The following PLEKHH1 variants were observed in gnomAD, a reference collection of about 807,000 sequenced individuals.
PLEKHH1 encodes the protein pleckstrin homology domain-containing family H member 1.
Under a neutral mutation model 160.0 loss-of-function variants are expected in PLEKHH1, and 104 were observed. That is an observed-to-expected ratio of 0.65 (90% CI 0.55 to 0.76). The LOEUF (loss-of-function observed/expected upper bound fraction) is 0.76. PLEKHH1 is among the 30% of genes least tolerant of loss of function. PLEKHH1 has a pLI of 0.00. For synonymous variants in PLEKHH1, 619 were observed against 678.4 expected (o/e 0.91, Z 1.36); for missense variants, 1,427 against 1,724.1 (o/e 0.83, Z 3.05).
intron 28 of PLEKHH1, chr14:67,586,861 A>G (rs1443737039): frequency 6.6e-7 from 1 of 1,510,604 alleles, no homozygotes. Flanking sequence ...GGCACTGTGC[A>G]TCTGAGAGGA....
chr14:67,535,587 G>A (rs1006279781), intron 1 of PLEKHH1, among the ~76,000 whole-genome samples: 2 of 151,792 alleles, frequency 1.3e-5, no homozygotes, highest in Non-Finnish European at 2.9e-5. Flanking sequence ...TCACCATGTT[G>A]GCCAGTCTGG....
intron 1 of PLEKHH1, among the ~76,000 whole-genome samples, chr14:67,538,063 T>G (rs912350763): frequency 6.6e-6 from 1 of 152,212 alleles, no homozygotes; most frequent in African/African-American, 2.4e-5. Context: ...GAGGGACTTA[T>G]TGTACTATTC....
At chr14:67,555,776 A>C in intron 2 of PLEKHH1, 49 bp from the exon 3 acceptor site, 2 of 1,605,796 alleles carry the variant, frequency 1.2e-6, no homozygotes, top group Non-Finnish European at 1.7e-6. Context: ...TGCCGTGTTC[A>C]CAGTAGGGAC....
intron 2 of PLEKHH1, among the ~76,000 whole-genome samples, chr14:67,544,369 G>A (rs1472633414): frequency 6.6e-6 from 1 of 152,102 alleles, no homozygotes; most frequent in African/African-American, 2.4e-5. Flanking sequence ...TGGGGAGCCT[G>A]GTAGGGACAG....
At chr14:67,577,239 G>A (rs2035660709) in intron 17 of PLEKHH1, 63 bp from the exon 18 acceptor site, 1 of 1,007,492 alleles carries the variant, frequency 9.9e-7, no homozygotes, top group African/African-American at 1.6e-5. Flanking sequence ...ATGGCGGTGA[G>A]TGGGAGATGA....
chr14:67,586,040 C>T lies in PLEKHH1; in HGVS notation c.3876C>T (p.Asp1292=). ...DFMLVIRSIP[D]KSSGKSHIEK... ...TGCTTGTGATTAGATCTATCCCAGA[C>T]AAGAGCTCTGGAAAAAGCCACATTG... Residue 1292 remains aspartate, a synonymous_variant, in exon 28 of 29, where the codon GAC becomes GAT. Transcript: ENST00000329153. 1 of 1,613,846 alleles carries T rather than the reference C, an allele frequency of 6.2e-7. No individual in the cohort carries two copies. Among genetic ancestry groups the T allele is most frequent in the Non-Finnish European group, 8.5e-7 (1 of 1,179,750 alleles).
intron 2 of PLEKHH1, among the ~76,000 whole-genome samples, chr14:67,553,094 T>C (rs11372537): frequency 0.2 from 29,700 of 152,180 alleles, 3,328 homozygotes; most frequent in East Asian, 0.28. Flanking sequence ...TCCACCTTGG[T>C]CTCCATTTGC....
chr14:67,578,713 C>A lies in PLEKHH1; in HGVS notation c.2849+82C>A. On this transcript the variant is annotated intron_variant, in intron 20 of 28. Coordinates refer to ENST00000329153, the MANE Select transcript of PLEKHH1 (RefSeq NM_020715.3). This position sits in a 1 kb window ranked among gnomAD's most constrained non-coding sequence, Gnocchi z 5.0. ...TAAGAGGGATGAGAGGAGTCTAGGG[C>A]AGACCAGATCACTCCTGTCCTCTGA... The A allele has an allele frequency of 1.1e-6, 1 of 881,220 alleles. No individual in the cohort carries two copies. Among genetic ancestry groups the A allele is most frequent in the Non-Finnish European group, 1.9e-6 (1 of 537,454 alleles). 54.6% of individuals were successfully genotyped at this position (881,220 alleles called of 1,614,324 possible).
Position 67,585,684 on chromosome 14 carries a change from C to T in PLEKHH1, c.3786+30C>T, listed in dbSNP as rs115074528. The T allele has an allele frequency of 9.7e-4, 1,371 of 1,407,294 alleles. 16 individuals carry two copies. The African/African-American group carries it at 0.018, about 18-fold the overall frequency. The allele number at this position is 1,407,294 out of a possible 1,614,324, so 87.2% of individuals were successfully genotyped here. On this transcript the variant is annotated intron_variant, in intron 27 of 28. Transcript: ENST00000329153. ...GAAAGGATGCAGGCTGCTCCCTGAC[C>T]CCTCCTCTTCCTCAACATGGTCTTT...
chr14:67,582,268 A>G lies in PLEKHH1; in HGVS notation c.3426+58A>G. 1.2e-6 allele frequency: 2 copies of G among 1,610,922 alleles called. No homozygotes were observed. The highest frequency in any genetic ancestry group is 1.7e-6 in the Non-Finnish European group (2 of 1,179,112). On this transcript the variant is annotated intron_variant, in intron 24 of 28. Coordinates refer to ENST00000329153, the MANE Select transcript of PLEKHH1 (RefSeq NM_020715.3). This position sits in a 1 kb window ranked among gnomAD's most constrained non-coding sequence, Gnocchi z 5.0. ...GTTGCCAGCTTAGAATGAATGCACC[A>G]TGCAGCCTGAAACACAGGAGAGATT... is the stretch of plus-strand genomic sequence containing the variant.
At position 67,562,369 on chromosome 14, in the gene PLEKHH1, T is replaced by C; in HGVS notation, c.738T>C (p.Ser246=). Reference sequence around the variant, plus strand: ...ATTCTAGTTCCAGCACGGTCCATTCTGGGGAAACAGTAGAGGCCAAGCCCC... The same window carrying C: ...ATTCTAGTTCCAGCACGGTCCATTCCGGGGAAACAGTAGAGGCCAAGCCCC... ...LEDSSSSTVH[S]GETVEAKPLQ... The change falls in exon 7 of 29, where the codon TCT becomes TCC. Residue 246 remains serine (S), a synonymous_variant. Coordinates refer to ENST00000329153, the MANE Select transcript of PLEKHH1 (RefSeq NM_020715.3). 6.2e-7 allele frequency: 1 copy of C among 1,613,670 alleles called. No individual in the cohort carries two copies. The highest frequency in any genetic ancestry group is 8.5e-7 in the Non-Finnish European group (1 of 1,179,630).
intron 2 of PLEKHH1, among the ~76,000 whole-genome samples, chr14:67,551,227 C>T (rs1478680746): frequency 6.6e-6 from 1 of 152,176 alleles, no homozygotes; most frequent in Non-Finnish European, 1.5e-5. Context: ...GCAGGACACT[C>T]TGGAGAGAAA....
chr14:67,563,003 TG>T, intron 7 of PLEKHH1, 109 bp downstream of exon 7: 1 of 1,142,210 alleles, frequency 8.8e-7, no homozygotes, highest in Non-Finnish European at 1.2e-6. Flanking sequence ...GGCATCCTCA[TG>T]GTGGCCCTGG....
At chr14:67,585,320 G>T (rs970560560) in intron 26 of PLEKHH1, 2 of 478,760 alleles carry the variant, frequency 4.2e-6, no homozygotes, top group Admixed American at 7.4e-5. Context: ...GACATCAAAA[G>T]AATGATCGCC....
Position 67,583,781 on chromosome 14 carries a change from C to CT in PLEKHH1, c.3468dup (p.Gly1157TrpfsTer25). The CT allele has an allele frequency of 6.2e-7, 1 of 1,612,588 alleles. No individual in the cohort carries two copies. ...TTGGAGAAGCCTGCCCTGCCAGGCC[C>CT]TGGAGGCACATCCCCTGCCAAGGCT... On this transcript the variant is annotated frameshift_variant, in exon 25 of 29. Coordinates refer to ENST00000329153, the MANE Select transcript of PLEKHH1 (RefSeq NM_020715.3). LOFTEE classifies it high-confidence loss of function.
chr14:67,572,202 C>G lies in PLEKHH1; in HGVS notation c.1653C>G (p.Asp551Glu), dbSNP rs1031848294. Reference sequence around the variant, plus strand: ...TCCCCCCGGACGCCTGCTCACTGGACAGTGACTACTCAGAGCCTGAGCACA... The same window carrying G: ...TCCCCCCGGACGCCTGCTCACTGGAGAGTGACTACTCAGAGCCTGAGCACA... ...YAIPPDACSL[D>E]SDYSEPEHKL... The change falls in exon 11 of 29, where the codon GAC becomes GAG. Residue 551 changes from aspartate (D) to glutamate (E), a missense_variant. This residue lies in a region of PLEKHH1 where 831 missense variants were observed against 929.2 expected (regional missense o/e 0.89). Coordinates refer to ENST00000329153, the MANE Select transcript of PLEKHH1 (RefSeq NM_020715.3). The G allele has an allele frequency of 1.5e-5, 24 of 1,609,056 alleles. No individual in the cohort carries two copies. Among genetic ancestry groups the G allele is most frequent in the Non-Finnish European group, 2.0e-5 (23 of 1,177,976 alleles).
chr14:67,553,950 C>T (rs1239316508), intron 2 of PLEKHH1, among the ~76,000 whole-genome samples: 2 of 152,150 alleles, frequency 1.3e-5, no homozygotes, highest in Admixed American at 6.5e-5. Context: ...GGCTTGAACA[C>T]GTGAATGCCT....
At chr14:67,559,995 T>C (rs944441370) in intron 5 of PLEKHH1, among the ~76,000 whole-genome samples, 2 of 152,178 alleles carry the variant, frequency 1.3e-5, no homozygotes, top group Non-Finnish European at 2.9e-5. Context: ...CAGGCCAGTG[T>C]CCACTCTCTC....
In PLEKHH1 at chr14:67,589,414, T is replaced by C. The variant is rs2036297380; in HGVS notation, c.*2179T>C. On this transcript the variant is annotated 3_prime_UTR_variant, in exon 29 of 29. Transcript: ENST00000329153. ...TTTGTCTCATCCTTCTTGGCAAAAG[T>C]AGCTTTTGAACTGATATAAAAAAAA... 1 of 985,316 alleles carries C rather than the reference T, an allele frequency of 1.0e-6. No individual in the cohort carries two copies. Among genetic ancestry groups the C allele is most frequent in the Non-Finnish European group, 1.2e-6 (1 of 829,828 alleles). The allele number at this position is 985,316 out of a possible 1,614,324, so 61.0% of individuals were successfully genotyped here.
Sources: allele counts gnomAD v4.1 joint callset (sites outside exome capture counted in the v4.1 genomes callset), GRCh38; gene constraint gnomAD v4.1.1; regional missense constraint gnomAD v4.1.1; non-coding constraint Gnocchi (gnomAD v3.1); transcripts MANE v1.5; gene names NCBI Gene and HGNC (gene_info 2026-07-23, HGNC 2026-07-21).